The following PPM1E variants were observed in gnomAD, a reference collection of about 807,000 sequenced individuals.
PPM1E encodes protein phosphatase 1E.
PPM1E carries 20 observed loss-of-function variants against 65.9 expected under a neutral mutation model. That is an observed-to-expected ratio of 0.30 (90% CI 0.21 to 0.44). PPM1E has a LOEUF of 0.44. Among genes scored for constraint, PPM1E ranks in the 20% least tolerant of loss-of-function variants. The probability of loss-of-function intolerance (pLI) is 1.00; values close to 1 mark genes in which losing one functional copy is unlikely to be tolerated. For missense variants in PPM1E, 713 were observed against 953.1 expected (o/e 0.75, Z 3.32); for synonymous variants, 352 against 374.9 (o/e 0.94, Z 0.70).
At position 58,895,827 on chromosome 17, in the gene PPM1E, C is replaced by T. The variant is rs926599422; in HGVS notation, c.465-59822C>T. Among the ~76,000 whole-genome samples, 11 of 147,276 alleles carry T rather than the reference C, an allele frequency of 7.5e-5. No homozygotes were observed. In the South Asian group the frequency reaches 1.5e-3, roughly 20 times the overall value. On this transcript the variant is annotated intron_variant, in intron 1 of 6. Coordinates refer to ENST00000308249, the MANE Select transcript of PPM1E (RefSeq NM_014906.5). Reference sequence around the variant, plus strand: ...CGTGTCTCAAAAAAGAAAAGGAGGCCGGGCGCAGTGGCTCACGCCTGTAAT... The same window carrying T: ...CGTGTCTCAAAAAAGAAAAGGAGGCTGGGCGCAGTGGCTCACGCCTGTAAT...
chr17:58,937,999 A>G (rs1337664251), intron 1 of PPM1E, among the ~76,000 whole-genome samples: 1 of 152,170 alleles, frequency 6.6e-6, no homozygotes, highest in African/African-American at 2.4e-5. Flanking sequence ...ATCAAAATAA[A>G]TATACATTTA....
chr17:58,843,325 CAA>C (rs1177213005), intron 1 of PPM1E, among the ~76,000 whole-genome samples: 13 of 91,456 alleles, frequency 1.4e-4, no homozygotes, highest in Non-Finnish European at 8.9e-5. Context: ...GACTCCCTCT[CAA>C]AAAAAAAAAA....
intron 1 of PPM1E, among the ~76,000 whole-genome samples, chr17:58,790,626 G>A (rs886829047): frequency 6.6e-6 from 1 of 152,070 alleles, no homozygotes; most frequent in African/African-American, 2.4e-5. Context: ...TTTTTCTTGA[G>A]ATAATCCCTC....
At chr17:58,898,680 A>G (rs2051455840) in intron 1 of PPM1E, among the ~76,000 whole-genome samples, 1 of 152,210 alleles carries the variant, frequency 6.6e-6, no homozygotes, top group African/African-American at 2.4e-5. Context: ...AAGGATTATA[A>G]ATCATACTAC....
intron 1 of PPM1E, among the ~76,000 whole-genome samples, chr17:58,923,724 G>A (rs1220630856): frequency 2.1e-4 from 31 of 148,946 alleles, no homozygotes; most frequent in African/African-American, 7.4e-4. Flanking sequence ...TCCAGCCTGG[G>A]TGACAGAGTA....
intron 1 of PPM1E, among the ~76,000 whole-genome samples, chr17:58,799,276 C>T (rs2143043701): frequency 6.6e-6 from 1 of 152,022 alleles, no homozygotes; most frequent in South Asian, 2.1e-4. Context: ...AGTGTAATTT[C>T]ACATTAAGTC....
chr17:58,937,290 G>A (rs1951386250), intron 1 of PPM1E, among the ~76,000 whole-genome samples: 1 of 135,724 alleles, frequency 7.4e-6, no homozygotes, highest in South Asian at 2.4e-4. Flanking sequence ...TTGAGATGGA[G>A]TCTCACTCTG....
At chr17:58,760,069 C>A (rs1322248386) in intron 1 of PPM1E, among the ~76,000 whole-genome samples, 1 of 152,082 alleles carries the variant, frequency 6.6e-6, no homozygotes, top group East Asian at 1.9e-4. Flanking sequence ...TCATGCTTTC[C>A]AGGTTTTTCT....
intron 1 of PPM1E, among the ~76,000 whole-genome samples, chr17:58,877,774 T>G (rs2051144206): frequency 6.6e-6 from 1 of 152,198 alleles, no homozygotes; most frequent in African/African-American, 2.4e-5. Flanking sequence ...CTTCAGAAAC[T>G]ATTTCTAATT....
intron 1 of PPM1E, among the ~76,000 whole-genome samples, chr17:58,878,715 C>T (rs1412441955): frequency 1.3e-5 from 2 of 150,866 alleles, no homozygotes; most frequent in East Asian, 4.0e-4. Context: ...GGCAGATCAC[C>T]TGAGGTAGGG....
At chr17:58,926,564 T>G (rs1428793215) in intron 1 of PPM1E, among the ~76,000 whole-genome samples, 5 of 152,136 alleles carry the variant, frequency 3.3e-5, no homozygotes, top group Admixed American at 3.3e-4. Context: ...TATGATACCC[T>G]TAGCATCCAT....
intron 1 of PPM1E, among the ~76,000 whole-genome samples, chr17:58,868,285 A>G (rs752407494): frequency 2.6e-5 from 4 of 152,310 alleles, no homozygotes; most frequent in East Asian, 1.9e-4. Flanking sequence ...CACTACTGCA[A>G]TTCAGCCTGG....
At chr17:58,839,744 G>A (rs2050698979) in intron 1 of PPM1E, among the ~76,000 whole-genome samples, 1 of 152,196 alleles carries the variant, frequency 6.6e-6, no homozygotes, top group Admixed American at 6.5e-5. Flanking sequence ...CACTGTTGGA[G>A]TGAAAATTTT....
chr17:58,788,715 C>T (rs2050128129), intron 1 of PPM1E, among the ~76,000 whole-genome samples: 1 of 152,120 alleles, frequency 6.6e-6, no homozygotes, highest in African/African-American at 2.4e-5. Flanking sequence ...TATTTTTTGT[C>T]AGTGCAGAAT....
At chr17:58,777,243 A>T (rs2050002762) in intron 1 of PPM1E, among the ~76,000 whole-genome samples, 1 of 152,212 alleles carries the variant, frequency 6.6e-6, no homozygotes, top group Non-Finnish European at 1.5e-5. Context: ...CAAAAAAATC[A>T]TAGATATGCC....
intron 1 of PPM1E, among the ~76,000 whole-genome samples, chr17:58,954,317 C>A (rs1220207435): frequency 2.6e-5 from 4 of 152,210 alleles, no homozygotes; most frequent in African/African-American, 9.6e-5. Flanking sequence ...CTCCTTCATT[C>A]TTGCTCCCTT....
intron 1 of PPM1E, among the ~76,000 whole-genome samples, chr17:58,879,987 A>G (rs1244464285): frequency 6.6e-6 from 1 of 152,194 alleles, no homozygotes; most frequent in Non-Finnish European, 1.5e-5. Context: ...ATTTAATACA[A>G]ATTTCACACG....
chr17:58,872,728 CACAG>C (rs2051085003), intron 1 of PPM1E, among the ~76,000 whole-genome samples: 2 of 152,168 alleles, frequency 1.3e-5, no homozygotes, highest in Admixed American at 1.3e-4. Context: ...ACCTGGGAAA[CACAG>C]ACCCCAAACA....
At chr17:58,954,694 A>G (rs1315186354) in intron 1 of PPM1E, among the ~76,000 whole-genome samples, 1 of 152,050 alleles carries the variant, frequency 6.6e-6, no homozygotes, top group East Asian at 1.9e-4. Context: ...CCTGGCCAAC[A>G]TAGTAAAACC....
Sources: gnomAD v4.1 joint callset for allele counts (sites outside exome capture counted in the v4.1 genomes callset) on GRCh38, gnomAD v4.1.1 for gene constraint, MANE v1.5 for transcripts, NCBI Gene and HGNC (gene_info 2026-07-23, HGNC 2026-07-21) for gene names.